The following CCDC50 variants were observed in gnomAD, a reference collection of about 807,000 sequenced individuals.
The protein encoded by CCDC50 is coiled-coil domain-containing protein 50.
CCDC50 carries 54 observed loss-of-function variants against 70.2 expected under a neutral mutation model. The ratio of observed to expected loss-of-function variants is 0.77; its 90% CI spans 0.62 to 0.96. CCDC50 has a LOEUF of 0.96. Ranked by LOEUF, CCDC50 falls within the 50% of genes least tolerant of loss-of-function variation. CCDC50 has a pLI of 0.00. For missense variants in CCDC50, 558 were observed against 578.7 expected (o/e 0.96, Z 0.37); for synonymous variants, 216 against 198.8 (o/e 1.09, Z -0.73).
At chr3:191,367,390 A>G (rs944909383) in intron 4 of CCDC50, among the ~76,000 whole-genome samples, 2 of 152,118 alleles carry the variant, frequency 1.3e-5, no homozygotes, top group Non-Finnish European at 2.9e-5. Context: ...TGGAAAAACT[A>G]TCCCCTAAAT....
chr3:191,337,101 A>G (rs1342837825), intron 1 of CCDC50, among the ~76,000 whole-genome samples: 1 of 152,058 alleles, frequency 6.6e-6, no homozygotes, highest in Non-Finnish European at 1.5e-5. Flanking sequence ...AGAGGCAGAG[A>G]TGAGTAGTTG....
intron 2 of CCDC50, among the ~76,000 whole-genome samples, chr3:191,357,553 CT>C (rs1300577216): frequency 1.3e-5 from 2 of 152,114 alleles, no homozygotes; most frequent in African/African-American, 4.8e-5. Flanking sequence ...TTTTCTGAAT[CT>C]TTTTTTCCAT....
intron 4 of CCDC50, among the ~76,000 whole-genome samples, chr3:191,367,136 C>T (rs1345466239): frequency 6.6e-6 from 1 of 151,918 alleles, no homozygotes; most frequent in African/African-American, 2.4e-5. Flanking sequence ...CTTAGAAGAG[C>T]AAAAAGGTTT....
At position 191,357,973 on chromosome 3, in the gene CCDC50, C is replaced by A; in HGVS notation, c.113-25C>A. 1.9e-6 allele frequency: 3 copies of A among 1,613,616 alleles called. No individual in the cohort carries two copies. The South Asian group carries it at 3.3e-5, about 18-fold the overall frequency. On this transcript the variant is annotated intron_variant, in intron 2 of 11. Transcript: ENST00000392455. ...CTAACAAACCAAGACATTATTCATT[C>A]CTGTCCTCAATCTTTTTGTTCCAGT... is the stretch of plus-strand genomic sequence containing the variant.
Position 191,369,984 on chromosome 3 carries a change from A to G in CCDC50, c.396A>G (p.Pro132=), listed in dbSNP as rs779978048. 6 of 1,613,610 alleles carry G rather than the reference A, an allele frequency of 3.7e-6. No individual in the cohort carries two copies. The highest frequency in any genetic ancestry group is 2.2e-5 in the East Asian group (1 of 44,864). ...QEEKKRKKHF[P]EFPATRAYAD... ...AGAAAAAGAGAAAGAAACACTTTCC[A>G]GAGTTCCCTGCAACCCGTGCTTATG... Residue 132 remains proline, a synonymous_variant, in exon 5 of 12, where the codon CCA becomes CCG. Transcript: ENST00000392455.
In CCDC50 at chr3:191,331,904, G is replaced by A. The variant is rs575098118; in HGVS notation, c.49+2181G>A. ...CTCCAACTTCATTTGAGAAGGGTTA[G>A]TAGTAGTAATTAGTTTAATATTCTG... On this transcript the variant is annotated intron_variant, in intron 1 of 11. Coordinates refer to ENST00000392455, the MANE Select transcript of CCDC50 (RefSeq NM_178335.3). Among the ~76,000 whole-genome samples, 56 of 152,296 alleles carry A rather than the reference G, an allele frequency of 3.7e-4. No homozygotes were observed. The South Asian group carries it at 0.011, about 29-fold the overall frequency.
At chr3:191,336,657 C>T (rs913636945) in intron 1 of CCDC50, among the ~76,000 whole-genome samples, 1 of 152,092 alleles carries the variant, frequency 6.6e-6, no homozygotes, top group African/African-American at 2.4e-5. Flanking sequence ...CTTCCTAGCC[C>T]TACTTGATAT....
chr3:191,352,154 T>C lies in CCDC50; in HGVS notation c.50-4934T>C, dbSNP rs1186177207. Among the ~76,000 whole-genome samples, 6 of 142,238 alleles carry C rather than the reference T, an allele frequency of 4.2e-5. 3 individuals carry two copies. The highest frequency in any genetic ancestry group is 9.5e-5 in the Non-Finnish European group (6 of 63,092). 93.3% of individuals were successfully genotyped at this position (142,238 alleles called of 152,430 possible). On this transcript the variant is annotated intron_variant, in intron 1 of 11. Coordinates refer to ENST00000392455, the MANE Select transcript of CCDC50 (RefSeq NM_178335.3). ...AACTAATTGTCTTTAGTACAGTGTT[T>C]ATTAACTTACATTATACCTGTTTTC...
chr3:191,341,078 A>G (rs1239185850), intron 1 of CCDC50, among the ~76,000 whole-genome samples: 2 of 151,836 alleles, frequency 1.3e-5, no homozygotes, highest in Admixed American at 1.3e-4. Flanking sequence ...CTCCCAGCTT[A>G]GCCTGCACTG....
chr3:191,330,769 C>T (rs150825389), intron 1 of CCDC50, among the ~76,000 whole-genome samples: 1 of 152,232 alleles, frequency 6.6e-6, no homozygotes, highest in East Asian at 1.9e-4. Context: ...TGTGTGTGCT[C>T]AGGCCAGCCC....
At chr3:191,381,928 T>G (rs1270774141) in intron 9 of CCDC50, among the ~76,000 whole-genome samples, 1 of 152,160 alleles carries the variant, frequency 6.6e-6, no homozygotes, top group Non-Finnish European at 1.5e-5. Flanking sequence ...TCTTTCCTGT[T>G]GCTCAGTTAC....
rs886780045 is a variant in CCDC50 at position 191,394,547 on chromosome 3, T to C, written c.*2787T>C. On this transcript the variant is annotated 3_prime_UTR_variant, in exon 12 of 12. Transcript: ENST00000392455. ...TTTAGGCCCACAGTGTATTATGCTT[T>C]AATGTTGTGATGTAAACTAATACTT... 6.6e-6 allele frequency: 1 copy of C among 152,208 alleles called. No individual in the cohort carries two copies. The highest frequency in any genetic ancestry group is 1.5e-5 in the Non-Finnish European group (1 of 68,018). The allele number at this position is 152,208 out of a possible 1,614,324, so 9.4% of individuals were successfully genotyped here.
At chr3:191,334,242 T>A (rs957848058) in intron 1 of CCDC50, among the ~76,000 whole-genome samples, 4 of 152,174 alleles carry the variant, frequency 2.6e-5, no homozygotes, top group African/African-American at 9.6e-5. Flanking sequence ...CATGGAGTTG[T>A]TGAAAGAACT....
Position 191,396,443 on chromosome 3 carries a change from A to G in CCDC50, c.*4683A>G, listed in dbSNP as rs561820248. On this transcript the variant is annotated 3_prime_UTR_variant, in exon 12 of 12. Coordinates refer to ENST00000392455, the MANE Select transcript of CCDC50 (RefSeq NM_178335.3). ...TGTCCACCTCTGAATAAGCAGTGGC[A>G]TGACCAAAAAGACTGGTAGAAGGAG... The G allele has an allele frequency of 2.0e-5, 3 of 152,322 alleles. No homozygotes were observed. Among genetic ancestry groups the G allele is most frequent in the Non-Finnish European group, 2.9e-5 (2 of 68,016 alleles). 9.4% of individuals were successfully genotyped at this position (152,322 alleles called of 1,614,324 possible). A position where few individuals can be genotyped will look rare whatever the true frequency, so the allele number is the denominator to read the frequency against.
chr3:191,357,864 ATTG>A (rs1488181825), intron 2 of CCDC50, 131 bp from the exon 3 acceptor site: 1 of 1,075,642 alleles, frequency 9.3e-7, no homozygotes. Flanking sequence ...TTTATTATAT[ATTG>A]TTGTTGAGAC....
chr3:191,369,247 AT>A (rs1410743741), intron 4 of CCDC50, among the ~76,000 whole-genome samples: 1 of 151,866 alleles, frequency 6.6e-6, no homozygotes, highest in Admixed American at 6.6e-5. Flanking sequence ...TCCCGTGGAA[AT>A]TTTTTTGAGG....
intron 11 of CCDC50, 61 bp downstream of exon 11, chr3:191,389,663 TAGTGGA>T: frequency 4.7e-6 from 6 of 1,280,626 alleles, no homozygotes; most frequent in Non-Finnish European, 6.8e-6. Context: ...CCTCGTGTTG[TAGTGGA>T]AAAATCAAAT....
chr3:191,339,186 G>C (rs1327660019), intron 1 of CCDC50, among the ~76,000 whole-genome samples: 1 of 152,152 alleles, frequency 6.6e-6, no homozygotes, highest in African/African-American at 2.4e-5. Flanking sequence ...AGAGGAGAGA[G>C]CATGAGCAAA....
chr3:191,382,794 C>A lies in CCDC50; in HGVS notation c.1291C>A (p.Pro431Thr), dbSNP rs139060348. The change falls in exon 10 of 12, where the codon CCT becomes ACT. Residue 431 changes from proline (P) to threonine (T), a missense_variant. Pro to Thr is a conservative substitution (Grantham distance 38). Coordinates refer to ENST00000392455, the MANE Select transcript of CCDC50 (RefSeq NM_178335.3). ...ANSKSKESDE[P>T]HHSKNERPAR... ...TTCCAAGTCAAAAGAGAGTGATGAA[C>A]CTCACCATTCTAAGAATGAAAGGCC... 6.2e-7 allele frequency: 1 copy of A among 1,612,908 alleles called. No individual in the cohort carries two copies. Among genetic ancestry groups the A allele is most frequent in the East Asian group, 2.2e-5 (1 of 44,832 alleles).
Sources: gnomAD v4.1 joint callset for allele counts (sites outside exome capture counted in the v4.1 genomes callset) on GRCh38, gnomAD v4.1.1 for gene constraint, MANE v1.5 for transcripts, NCBI Gene and HGNC (gene_info 2026-07-23, HGNC 2026-07-21) for gene names.